The following OPCML variants were observed in gnomAD, a reference collection of about 807,000 sequenced individuals.
OPCML encodes opioid binding protein/cell adhesion molecule like, also known as opioid-binding protein/cell adhesion molecule.
OPCML carries 13 observed loss-of-function variants against 37.8 expected under a neutral mutation model. The observed-to-expected ratio is 0.34, with a 90% CI of 0.22 to 0.55. The LOEUF (loss-of-function observed/expected upper bound fraction) is 0.55, where lower values mean the gene tolerates loss of function less well. Among genes scored for constraint, OPCML ranks in the 20% least tolerant of loss-of-function variants. The pLI is 0.91. For missense variants in OPCML, 341 were observed against 435.6 expected, an observed-to-expected ratio of 0.78 and a Z score of 1.93; for synonymous variants, 176 against 168.8, an observed-to-expected ratio of 1.04 and a Z score of -0.33.
intron 1 of OPCML, among the ~76,000 whole-genome samples, chr11:133,224,343 G>T (rs1939951723): frequency 6.6e-6 from 1 of 152,220 alleles, no homozygotes; most frequent in Non-Finnish European, 1.5e-5. Flanking sequence ...GATGGGCCTG[G>T]TTGGAGATGG....
chr11:133,375,488 G>A (rs1161485434), intron 1 of OPCML, among the ~76,000 whole-genome samples: 1 of 152,130 alleles, frequency 6.6e-6, no homozygotes, highest in Non-Finnish European at 1.5e-5. Flanking sequence ...TAATTCTGGG[G>A]CTACTTCTAG....
intron 1 of OPCML, among the ~76,000 whole-genome samples, chr11:133,283,019 A>G (rs751990933): frequency 1.3e-5 from 2 of 152,176 alleles, no homozygotes; most frequent in Non-Finnish European, 2.9e-5. Flanking sequence ...TCATAGGCAG[A>G]AGAAGATAAG....
chr11:132,549,951 G>A (rs754809336), intron 3 of OPCML, among the ~76,000 whole-genome samples: 22 of 152,050 alleles, frequency 1.4e-4, no homozygotes, highest in South Asian at 4.2e-4. Flanking sequence ...CTGTGTGTCC[G>A]TGTCCTACAT....
chr11:132,935,031 C>G (rs917606376), intron 2 of OPCML, among the ~76,000 whole-genome samples: 1 of 151,744 alleles, frequency 6.6e-6, no homozygotes, highest in Non-Finnish European at 1.5e-5. Context: ...CCCAGCTACT[C>G]AGGAGGCTGA....
At chr11:133,314,214 T>C (rs184690898) in intron 1 of OPCML, among the ~76,000 whole-genome samples, 4 of 106,848 alleles carry the variant, frequency 3.7e-5, no homozygotes, top group East Asian at 6.5e-4. Flanking sequence ...CAGCCTGGGC[T>C]ACAGCGAGAC....
At chr11:133,389,716 T>C (rs373508456) in intron 1 of OPCML, among the ~76,000 whole-genome samples, 2 of 152,316 alleles carry the variant, frequency 1.3e-5, no homozygotes, top group East Asian at 3.9e-4. Context: ...TTCCAGATAC[T>C]GTTCAGGGGA....
intron 2 of OPCML, among the ~76,000 whole-genome samples, chr11:132,812,529 A>T (rs1283924195): frequency 1.3e-5 from 2 of 152,188 alleles, no homozygotes; most frequent in Non-Finnish European, 2.9e-5. Context: ...TAGAGACAGC[A>T]ATTAGGAGGT....
chr11:133,514,389 G>A (rs1948219594), intron 1 of OPCML, among the ~76,000 whole-genome samples: 1 of 152,174 alleles, frequency 6.6e-6, no homozygotes, highest in East Asian at 1.9e-4. Flanking sequence ...GAAGAGAGAG[G>A]GAAAAACCAA....
chr11:133,272,580 C>A (rs916106098), intron 1 of OPCML, among the ~76,000 whole-genome samples: 1 of 152,170 alleles, frequency 6.6e-6, no homozygotes. Flanking sequence ...CCCCTCTGGG[C>A]CGGCCCGGGG....
chr11:133,221,327 T>G (rs1478359558), intron 1 of OPCML, among the ~76,000 whole-genome samples: 1 of 152,216 alleles, frequency 6.6e-6, no homozygotes, highest in Non-Finnish European at 1.5e-5. Flanking sequence ...TCATGCTCCC[T>G]GATCATTTCT....
At chr11:133,353,658 T>A (rs1289013032) in intron 1 of OPCML, among the ~76,000 whole-genome samples, 1 of 152,236 alleles carries the variant, frequency 6.6e-6, no homozygotes. Flanking sequence ...CTGCCACCAC[T>A]GTCTAACTGG....
At chr11:132,639,050 G>T (rs904803415) in intron 3 of OPCML, among the ~76,000 whole-genome samples, 1 of 143,564 alleles carries the variant, frequency 7.0e-6, no homozygotes, top group Admixed American at 6.9e-5. Flanking sequence ...TTGTAGCCAC[G>T]TGATGATTAT....
intron 1 of OPCML, among the ~76,000 whole-genome samples, chr11:133,326,492 G>A (rs1943460734): frequency 6.8e-6 from 1 of 147,786 alleles, no homozygotes; most frequent in East Asian, 2.0e-4. Flanking sequence ...GAGGGGGTGT[G>A]GGTGTGTGTA....
chr11:132,599,895 G>A (rs1278045812), intron 3 of OPCML, among the ~76,000 whole-genome samples: 2 of 152,014 alleles, frequency 1.3e-5, no homozygotes, highest in Non-Finnish European at 2.9e-5. Context: ...TTATTTTCTG[G>A]GACGCTTTTG....
chr11:132,696,873 C>A (rs1206148349), intron 2 of OPCML, among the ~76,000 whole-genome samples: 5 of 152,074 alleles, frequency 3.3e-5, no homozygotes, highest in Admixed American at 6.5e-5. Flanking sequence ...ATGTTACCAA[C>A]AAATTATAGG....
At chr11:132,748,772 C>T (rs1306855809) in intron 2 of OPCML, among the ~76,000 whole-genome samples, 1 of 152,096 alleles carries the variant, frequency 6.6e-6, no homozygotes, top group Non-Finnish European at 1.5e-5. Flanking sequence ...TCCTGTTCTG[C>T]GGAGAGGATC....
chr11:132,742,189 T>A (rs558307896), intron 2 of OPCML, among the ~76,000 whole-genome samples: 1 of 152,254 alleles, frequency 6.6e-6, no homozygotes, highest in African/African-American at 2.4e-5. Flanking sequence ...TTCCAATGGA[T>A]CACTGCTCCG....
At chr11:132,674,718 T>C (rs1183555338) in intron 2 of OPCML, among the ~76,000 whole-genome samples, 1 of 152,198 alleles carries the variant, frequency 6.6e-6, no homozygotes, top group African/African-American at 2.4e-5. Context: ...TTCAGGAAGC[T>C]TATGAAAAGG....
intron 3 of OPCML, among the ~76,000 whole-genome samples, chr11:132,567,518 G>C (rs1426406961): frequency 6.6e-6 from 1 of 152,054 alleles, no homozygotes; most frequent in Non-Finnish European, 1.5e-5. Context: ...AACTAGATAG[G>C]TCTCCACAAT....
Sources: gnomAD v4.1 joint callset for allele counts (sites outside exome capture counted in the v4.1 genomes callset) on GRCh38, gnomAD v4.1.1 for gene constraint, MANE v1.5 for transcripts, NCBI Gene and HGNC (gene_info 2026-07-23, HGNC 2026-07-21) for gene names.